BMAL2: variants seen among roughly 807,000 people sequenced by gnomAD.
The protein encoded by BMAL2 is basic helix-loop-helix ARNT-like protein 2.
chr12:27,415,578 C>A, the BMAL2 span, among the ~76,000 whole-genome samples: 3 of 152,158 alleles, frequency 2.0e-5, no homozygotes, highest in African/African-American at 7.2e-5. Flanking sequence ...CTGTTTTAAA[C>A]TGTGCTGTGT....
the BMAL2 span, among the ~76,000 whole-genome samples, chr12:27,406,564 A>G: frequency 1.3e-5 from 2 of 152,238 alleles, no homozygotes; most frequent in Non-Finnish European, 2.9e-5. Context: ...TGTCACCACC[A>G]GGACTGCCTT....
chr12:27,420,578 C>T, the BMAL2 span: 8 of 1,512,510 alleles, frequency 5.3e-6, no homozygotes, highest in Non-Finnish European at 3.5e-6. Flanking sequence ...TAAAGCATTT[C>T]ATTTACGAAA....
the BMAL2 span, among the ~76,000 whole-genome samples, chr12:27,358,510 T>C: frequency 6.6e-6 from 1 of 152,316 alleles, no homozygotes; most frequent in African/African-American, 2.4e-5. Context: ...TCTGTATTTA[T>C]AAAATTCATA....
At chr12:27,362,741 A>G in the BMAL2 span, among the ~76,000 whole-genome samples, 65 of 152,202 alleles carry the variant, frequency 4.3e-4, no homozygotes, top group African/African-American at 1.4e-3. Context: ...ACTTTATATA[A>G]ATTTTTAAAA....
At chr12:27,403,392 A>T in the BMAL2 span, 6 of 1,250,960 alleles carry the variant, frequency 4.8e-6, no homozygotes, top group East Asian at 1.2e-4. Context: ...TGAAAGAAAG[A>T]TAAAGTCCTC....
At chr12:27,385,125 C>A in the BMAL2 span, among the ~76,000 whole-genome samples, 1 of 151,936 alleles carries the variant, frequency 6.6e-6, no homozygotes, top group Non-Finnish European at 1.5e-5. Context: ...ACCAGCCTGG[C>A]CAACATAGTG....
the BMAL2 span, among the ~76,000 whole-genome samples, chr12:27,360,597 C>T: frequency 1.3e-5 from 2 of 151,790 alleles, no homozygotes; most frequent in Non-Finnish European, 2.9e-5. Context: ...ATGTTGTTTT[C>T]CTGACACCTT....
the BMAL2 span, among the ~76,000 whole-genome samples, chr12:27,406,468 C>G: frequency 1.3e-5 from 2 of 152,074 alleles, no homozygotes; most frequent in African/African-American, 4.8e-5. Context: ...AATTTTCAAC[C>G]CAGAAGTTCA....
chr12:27,415,694 A>G, the BMAL2 span, among the ~76,000 whole-genome samples: 10 of 152,304 alleles, frequency 6.6e-5, no homozygotes, highest in East Asian at 1.9e-3. Flanking sequence ...TCAGCATTCC[A>G]TAGTCAAAAA....
the BMAL2 span, among the ~76,000 whole-genome samples, chr12:27,363,990 T>A: frequency 6.6e-6 from 1 of 152,328 alleles, no homozygotes; most frequent in African/African-American, 2.4e-5. Flanking sequence ...CTGACAATTC[T>A]AGAGGCTGGG....
At chr12:27,347,941 C>G in the BMAL2 span, among the ~76,000 whole-genome samples, 2 of 152,182 alleles carry the variant, frequency 1.3e-5, no homozygotes, top group Non-Finnish European at 2.9e-5. Flanking sequence ...CTGGGAGATT[C>G]CCTGGCCCAT....
chr12:27,403,535 T>A, the BMAL2 span: 3 of 1,578,036 alleles, frequency 1.9e-6, no homozygotes, highest in Non-Finnish European at 2.6e-6. Context: ...ATTCTGGATT[T>A]ACAGAGGTAA....
the BMAL2 span, among the ~76,000 whole-genome samples, chr12:27,379,270 T>G: frequency 6.6e-6 from 1 of 152,164 alleles, no homozygotes; most frequent in Non-Finnish European, 1.5e-5. Context: ...TTTCTTGAAT[T>G]TTAGATTTCT....
the BMAL2 span, chr12:27,389,938 A>G: frequency 3.2e-5 from 21 of 650,538 alleles, no homozygotes; most frequent in Non-Finnish European, 5.1e-5. Flanking sequence ...TTTTTTGGGT[A>G]TATTTCACTT....
At chr12:27,400,511 C>A in the BMAL2 span, 2 of 1,522,888 alleles carry the variant, frequency 1.3e-6, no homozygotes, top group Non-Finnish European at 8.8e-7. Flanking sequence ...TCCAAATGTC[C>A]TTTTTAAAAA....
chr12:27,334,381 T>G, the BMAL2 span, among the ~76,000 whole-genome samples: 10 of 152,290 alleles, frequency 6.6e-5, no homozygotes, highest in African/African-American at 2.4e-4. Context: ...AAATGAGATA[T>G]GAGATATGAA....
chr12:27,384,525 TA>T, the BMAL2 span, among the ~76,000 whole-genome samples: 1 of 152,206 alleles, frequency 6.6e-6, no homozygotes, highest in African/African-American at 2.4e-5. Context: ...TGATAAATTT[TA>T]ATTAGCTAAG....
chr12:27,337,494 C>T, the BMAL2 span, among the ~76,000 whole-genome samples: 1 of 152,192 alleles, frequency 6.6e-6, no homozygotes, highest in African/African-American at 2.4e-5. Flanking sequence ...TGTACACTTT[C>T]CCACCTCCAG....
the BMAL2 span, among the ~76,000 whole-genome samples, chr12:27,371,236 A>G: frequency 6.6e-6 from 1 of 152,204 alleles, no homozygotes; most frequent in Non-Finnish European, 1.5e-5. Flanking sequence ...TAATCCCAGC[A>G]CTTTGGGAGG....
Sources: gnomAD v4.1 joint callset for allele counts (sites outside exome capture counted in the v4.1 genomes callset) on GRCh38, gnomAD v4.1.1 for gene constraint, MANE v1.5 for transcripts, NCBI Gene and HGNC (gene_info 2026-07-23, HGNC 2026-07-21) for gene names.